Variants in SEMA5B observed in about 807,000 individuals in gnomAD.
SEMA5B encodes semaphorin 5B.
Under a neutral mutation model 135.0 loss-of-function variants are expected in SEMA5B, and 66 were observed. That is an observed-to-expected ratio of 0.49 (90% CI 0.40 to 0.60). SEMA5B has a LOEUF of 0.60. SEMA5B is among the 20% of genes least tolerant of loss of function. The pLI, the probability that SEMA5B is intolerant of heterozygous loss-of-function variation, is 0.00. For missense variants in SEMA5B, 1,501 were observed against 1,566.3 expected, an observed-to-expected ratio of 0.96 and a Z score of 0.70; for synonymous variants, 690 against 639.5, an observed-to-expected ratio of 1.08 and a Z score of -1.19.
intron 5 of SEMA5B, among the ~76,000 whole-genome samples, chr3:122,934,511 G>T (rs1939150776): frequency 1.3e-5 from 2 of 152,196 alleles, no homozygotes; most frequent in Admixed American, 1.3e-4. Context: ...TATAGGACAA[G>T]TGACGAGGTT....
At chr3:122,914,696 C>T (rs779864897) in intron 14 of SEMA5B, among the ~76,000 whole-genome samples, 7 of 152,058 alleles carry the variant, frequency 4.6e-5, no homozygotes, top group Admixed American at 6.5e-5. Context: ...AGCTTTGGGA[C>T]GCTGAGGTGG....
intron 1 of SEMA5B, among the ~76,000 whole-genome samples, chr3:123,024,169 A>G (rs971083856): frequency 6.6e-6 from 1 of 152,260 alleles, no homozygotes; most frequent in South Asian, 2.1e-4. Flanking sequence ...ATCATTGGAT[A>G]TAAGAGGGTG....
intron 1 of SEMA5B, among the ~76,000 whole-genome samples, chr3:122,967,838 G>C (rs980785881): frequency 6.6e-6 from 1 of 152,244 alleles, no homozygotes; most frequent in Non-Finnish European, 1.5e-5. Flanking sequence ...CCCAGAGGAG[G>C]ACTGAGAAGG....
rs1046190086 is a variant in SEMA5B at position 122,911,507 on chromosome 3, C to T, written c.3075G>A (p.Glu1025=). 6 of 1,610,158 alleles carry T rather than the reference C, an allele frequency of 3.7e-6. No individual in the cohort carries two copies. The highest frequency in any genetic ancestry group is 2.2e-5 in the South Asian group (2 of 89,620). Residue 1025 remains glutamate, a synonymous_variant, in exon 21 of 23, where the codon GAG becomes GAA. Transcript: ENST00000357599. ...TTCTTTTACCTGCACAGTCGGTGGCCTCCTCCATGCTGGAGGCTGGCAGGA... is the reference window on the plus strand; with the variant it reads ...TTCTTTTACCTGCACAGTCGGTGGCTTCCTCCATGCTGGAGGCTGGCAGGA... ...PVILPASSME[E]ATDCAGFNLI... is the part of the protein sequence containing the mutation.
intron 1 of SEMA5B, among the ~76,000 whole-genome samples, chr3:122,994,522 G>T (rs1022421709): frequency 6.6e-6 from 1 of 152,202 alleles, no homozygotes; most frequent in Non-Finnish European, 1.5e-5. Context: ...TGATGGGTCT[G>T]TAGGGAGAAA....
chr3:122,943,596 C>T, intron 3 of SEMA5B, 61 bp from the exon 4 acceptor site: 1 of 1,225,274 alleles, frequency 8.2e-7, no homozygotes, highest in Non-Finnish European at 1.2e-6. Flanking sequence ...AGCTGCATCG[C>T]AGCAGACCAC....
At chr3:122,953,631 G>A (rs536978976) in intron 2 of SEMA5B, among the ~76,000 whole-genome samples, 13 of 152,276 alleles carry the variant, frequency 8.5e-5, no homozygotes, top group South Asian at 4.1e-4. Flanking sequence ...AATTACCTTC[G>A]CTCCAGGTGA....
chr3:122,922,548 A>G, intron 10 of SEMA5B, 101 bp from the exon 11 acceptor site: 1 of 1,096,394 alleles, frequency 9.1e-7, no homozygotes, highest in Non-Finnish European at 1.3e-6. Flanking sequence ...ACAGCAGCGG[A>G]CGCTGATTCT....
At chr3:122,991,873 A>T (rs1560419923) in intron 1 of SEMA5B, among the ~76,000 whole-genome samples, 1 of 152,280 alleles carries the variant, frequency 6.6e-6, no homozygotes, top group East Asian at 1.9e-4. Context: ...AGACCATACT[A>T]TCACAAAGGA....
chr3:122,934,599 G>A (rs1454477631), intron 5 of SEMA5B, among the ~76,000 whole-genome samples: 1 of 152,134 alleles, frequency 6.6e-6, no homozygotes. Context: ...ACAAATTGCA[G>A]CATATTTGAA....
At chr3:122,924,673 C>T (rs1938536171) in intron 9 of SEMA5B, among the ~76,000 whole-genome samples, 1 of 152,212 alleles carries the variant, frequency 6.6e-6, no homozygotes, top group Non-Finnish European at 1.5e-5. Flanking sequence ...TCTCCTCACC[C>T]TTAAATGTCT....
chr3:122,960,903 C>T (rs181814657), intron 2 of SEMA5B, among the ~76,000 whole-genome samples: 1 of 152,126 alleles, frequency 6.6e-6, no homozygotes, highest in African/African-American at 2.4e-5. Context: ...GTGATGGCTG[C>T]ATAACAATGT....
intron 1 of SEMA5B, among the ~76,000 whole-genome samples, chr3:122,996,520 C>T (rs1045950457): frequency 4.6e-5 from 7 of 152,220 alleles, no homozygotes; most frequent in African/African-American, 7.2e-5. Context: ...GATCCAGGCA[C>T]GAGCAGTGGA....
intron 2 of SEMA5B, 104 bp downstream of exon 2, chr3:122,961,036 C>G (rs553237250): frequency 1.6e-6 from 2 of 1,231,408 alleles, no homozygotes; most frequent in East Asian, 4.8e-5. Flanking sequence ...GACTGAGGTC[C>G]TAGGAGGTAT....
At chr3:122,978,499 C>G (rs1941409720) in intron 1 of SEMA5B, among the ~76,000 whole-genome samples, 1 of 152,114 alleles carries the variant, frequency 6.6e-6, no homozygotes. Context: ...TTAATAGACT[C>G]CCATAGACTG....
chr3:122,959,193 C>G (rs2107597666), intron 2 of SEMA5B, among the ~76,000 whole-genome samples: 1 of 152,282 alleles, frequency 6.6e-6, no homozygotes, highest in Admixed American at 6.5e-5. Flanking sequence ...GGTCTATGCT[C>G]TTTATATTAT....
chr3:122,998,705 C>T (rs1317712514), intron 1 of SEMA5B, among the ~76,000 whole-genome samples: 1 of 152,116 alleles, frequency 6.6e-6, no homozygotes, highest in Non-Finnish European at 1.5e-5. Flanking sequence ...TCCTTTAGGC[C>T]CCAAGTAGGA....
At chr3:123,007,661 G>T (rs568115188) in intron 1 of SEMA5B, among the ~76,000 whole-genome samples, 2 of 152,250 alleles carry the variant, frequency 1.3e-5, no homozygotes, top group East Asian at 3.9e-4. Flanking sequence ...TGCATGCTTA[G>T]CTCCTTTGCC....
At chr3:122,976,569 A>G (rs1391042435) in intron 1 of SEMA5B, among the ~76,000 whole-genome samples, 1 of 152,208 alleles carries the variant, frequency 6.6e-6, no homozygotes, top group Admixed American at 6.5e-5. Context: ...TCAAACATAC[A>G]AAACAGTTAA....
Sources: allele counts gnomAD v4.1 joint callset (sites outside exome capture counted in the v4.1 genomes callset), GRCh38; gene constraint gnomAD v4.1.1; transcripts MANE v1.5; gene names NCBI Gene and HGNC (gene_info 2026-07-23, HGNC 2026-07-21).